LRRC53: variants seen among roughly 807,000 people sequenced by gnomAD.
LRRC53 encodes the protein leucine-rich repeat-containing protein 53.
A neutral mutation model predicts 13.6 loss-of-function variants in LRRC53; 25 were observed. The ratio of observed to expected loss-of-function variants is 1.83; its 90% CI spans 1.34 to 2.56. The LOEUF (loss-of-function observed/expected upper bound fraction) is 2.56. Ranked by LOEUF, LRRC53 falls within the 30% of genes most tolerant of loss-of-function variation. LRRC53 has a pLI of 0.00. For missense variants in LRRC53, 527 were observed against 275.8 expected, an observed-to-expected ratio of 1.91 and a Z score of -6.45; for synonymous variants, 204 against 109.8, an observed-to-expected ratio of 1.86 and a Z score of -5.37.
intron 1 of LRRC53, among the ~76,000 whole-genome samples, chr1:74,509,749 T>C (rs963670120): frequency 1.3e-4 from 1 of 7,556 alleles, no homozygotes; most frequent in African/African-American, 6.5e-4. Flanking sequence ...CTGAATTTCT[T>C]TTTTTTTTTT....
chr1:74,496,917 G>A (rs911014100), intron 1 of LRRC53, among the ~76,000 whole-genome samples: 1 of 152,112 alleles, frequency 6.6e-6, no homozygotes, highest in Admixed American at 6.6e-5. Context: ...AAACCAATTA[G>A]TGTTTATGTG....
At chr1:74,484,001 T>C (rs1382422146) in intron 1 of LRRC53, among the ~76,000 whole-genome samples, 5 of 152,184 alleles carry the variant, frequency 3.3e-5, no homozygotes, top group African/African-American at 1.2e-4. Flanking sequence ...ATATTTCTTT[T>C]TATTTTTTGC....
rs1667892444 is a variant in LRRC53 at position 74,470,859 on chromosome 1, A to G, written c.2763T>C (p.Phe921=). 3 of 400,628 alleles carry G rather than the reference A, an allele frequency of 7.5e-6. No homozygotes were observed. Among genetic ancestry groups the G allele is most frequent in the Non-Finnish European group, 4.4e-6 (1 of 226,208 alleles). The allele number at this position is 400,628 out of a possible 1,614,324, so 24.8% of individuals were successfully genotyped here. ...GTGTTTGATTCCTCGGGGACAAAGA[A>G]AACTGATTTAACTCACTGGTCTTTG... The part of the protein sequence containing the change: ...NVSKTSELNQ[F]SLSPRNQTQL... Residue 921 remains phenylalanine, a synonymous_variant, in exon 5 of 5, where the codon TTT becomes TTC. Transcript: ENST00000294635.
At chr1:74,522,517 T>C in the LRRC53 span, among the ~76,000 whole-genome samples, 1 of 152,088 alleles carries the variant, frequency 6.6e-6, no homozygotes, top group Non-Finnish European at 1.5e-5. Flanking sequence ...CCACGCAGTA[T>C]AGAAGACCTA....
At position 74,475,362 on chromosome 1, in the gene LRRC53, C is replaced by G. The variant is rs1668144643; in HGVS notation, c.1353G>C (p.Lys451Asn). The G allele has an allele frequency of 2.8e-6, 2 of 716,046 alleles. No individual in the cohort carries two copies. The highest frequency in any genetic ancestry group is 5.4e-5 in the East Asian group (2 of 37,278). 44.4% of individuals were successfully genotyped at this position (716,046 alleles called of 1,614,324 possible). ...CTTCTCCAGGCTCAAGATTCCATAGCTTTTGAACTTTCCTTGGATTATATG... is the reference window on the plus strand; with the variant it reads ...CTTCTCCAGGCTCAAGATTCCATAGGTTTTGAACTTTCCTTGGATTATATG... The part of the protein sequence containing the change: ...LTTYNPRKVQ[K>N]LWNLEPGEVQ... The change falls in exon 4 of 5, where the codon AAG becomes AAC. Residue 451 changes from lysine (K) to asparagine (N), a missense_variant. Lys to Asn is a moderately conservative substitution (Grantham distance 94). Coordinates refer to ENST00000294635, the MANE Select transcript of LRRC53 (RefSeq NM_001382280.1).
At chr1:74,514,838 A>C (rs1418455846), upstream of LRRC53, among the ~76,000 whole-genome samples, 1 of 152,164 alleles carries the variant, frequency 6.6e-6, no homozygotes, top group Admixed American at 6.5e-5. Flanking sequence ...GGTACCTCAA[A>C]ATGTGACCCT....
chr1:74,487,672 G>A (rs1668835615), intron 1 of LRRC53, among the ~76,000 whole-genome samples: 1 of 151,958 alleles, frequency 6.6e-6, no homozygotes, highest in Admixed American at 6.6e-5. Context: ...ATGATGAAGT[G>A]AGCAAAAAAA....
intron 2 of LRRC53, among the ~76,000 whole-genome samples, chr1:74,481,731 CA>C (rs1178586179): frequency 1.3e-5 from 2 of 152,284 alleles, no homozygotes; most frequent in East Asian, 3.9e-4. Flanking sequence ...CATTAGAAAT[CA>C]AAGCATTTTA....
intron 1 of LRRC53, among the ~76,000 whole-genome samples, chr1:74,494,722 A>T (rs916284012): frequency 1.3e-5 from 2 of 152,248 alleles, no homozygotes; most frequent in African/African-American, 4.8e-5. Context: ...TTTGCCATGT[A>T]CTAGCTCAAT....
chr1:74,503,072 C>T (rs550828751), intron 1 of LRRC53, among the ~76,000 whole-genome samples: 105 of 152,268 alleles, frequency 6.9e-4, no homozygotes, highest in African/African-American at 2.4e-3. Flanking sequence ...CTTTTCACTT[C>T]CTCATTAAAC....
the LRRC53 span, among the ~76,000 whole-genome samples, chr1:74,520,261 C>G: frequency 6.6e-6 from 1 of 152,140 alleles, no homozygotes. Flanking sequence ...AAAATTGACT[C>G]AACTGGAATC....
the LRRC53 span, among the ~76,000 whole-genome samples, chr1:74,535,982 T>G: frequency 6.6e-6 from 1 of 152,286 alleles, no homozygotes; most frequent in East Asian, 1.9e-4. Context: ...AAATCTAGAA[T>G]GATTTTCTTT....
intron 3 of LRRC53, among the ~76,000 whole-genome samples, chr1:74,479,286 A>C (rs1668358571): frequency 6.6e-6 from 1 of 152,230 alleles, no homozygotes; most frequent in East Asian, 1.9e-4. Context: ...TTTGGTCTTC[A>C]ACTAATGACA....
At chr1:74,492,521 A>G (rs1669133844) in intron 1 of LRRC53, among the ~76,000 whole-genome samples, 2 of 152,222 alleles carry the variant, frequency 1.3e-5, no homozygotes, top group Admixed American at 1.3e-4. Context: ...GAGCAACAAA[A>G]GGGATTTATT....
chr1:74,487,499 C>G (rs1668827991), intron 1 of LRRC53, among the ~76,000 whole-genome samples: 1 of 152,072 alleles, frequency 6.6e-6, no homozygotes, highest in Non-Finnish European at 1.5e-5. Flanking sequence ...TGAGACCAGG[C>G]AGAATGGATT....
intron 1 of LRRC53, among the ~76,000 whole-genome samples, chr1:74,505,169 G>C (rs1231590334): frequency 6.6e-6 from 1 of 152,188 alleles, no homozygotes; most frequent in Non-Finnish European, 1.5e-5. Flanking sequence ...AGTTGCGTGT[G>C]TGTACAACTG....
At chr1:74,472,607 G>A (rs1015037902) in intron 4 of LRRC53, among the ~76,000 whole-genome samples, 3 of 152,012 alleles carry the variant, frequency 2.0e-5, no homozygotes, top group Non-Finnish European at 4.4e-5. Context: ...GTGCAATATT[G>A]AGTAATGTTC....
chr1:74,511,645 T>C (rs560002489), intron 1 of LRRC53, among the ~76,000 whole-genome samples: 120 of 152,194 alleles, frequency 7.9e-4, no homozygotes, highest in African/African-American at 2.5e-3. Context: ...TAGAGATCTC[T>C]TCAGTCCTGG....
intron 1 of LRRC53, among the ~76,000 whole-genome samples, chr1:74,497,157 T>C (rs1240973942): frequency 1.3e-5 from 2 of 152,166 alleles, no homozygotes; most frequent in Admixed American, 6.5e-5. Context: ...TCAAAGTTTT[T>C]CTGGGTTACA....
Sources: gnomAD v4.1 joint callset for allele counts (sites outside exome capture counted in the v4.1 genomes callset) on GRCh38, gnomAD v4.1.1 for gene constraint, MANE v1.5 for transcripts, NCBI Gene and HGNC (gene_info 2026-07-23, HGNC 2026-07-21) for gene names.